AGBL4: variants seen among roughly 807,000 people sequenced by gnomAD.
AGBL4 encodes cytosolic carboxypeptidase 6.
In AGBL4, 58 loss-of-function variants were observed where a neutral mutation model predicts 66.4. The ratio of observed to expected loss-of-function variants is 0.87; its 90% CI spans 0.71 to 1.09. The LOEUF (loss-of-function observed/expected upper bound fraction) is 1.09. AGBL4 is among the 50% of genes least tolerant of loss of function. AGBL4 has a pLI of 0.00. For synonymous variants in AGBL4, 234 were observed against 222.9 expected, an observed-to-expected ratio of 1.05 and a Z score of -0.44; for missense variants, 579 against 631.0, an observed-to-expected ratio of 0.92 and a Z score of 0.88.
intron 5 of AGBL4, among the ~76,000 whole-genome samples, chr1:49,014,757 C>G (rs944009797): frequency 6.6e-6 from 1 of 152,212 alleles, no homozygotes; most frequent in African/African-American, 2.4e-5. Context: ...CTGTCATTCT[C>G]TCTCTCATGG....
chr1:49,800,222 G>A (rs1467548304), intron 2 of AGBL4, among the ~76,000 whole-genome samples: 1 of 152,134 alleles, frequency 6.6e-6, no homozygotes, highest in Non-Finnish European at 1.5e-5. Flanking sequence ...TATAGCAAAA[G>A]TGGTAATATG....
intron 3 of AGBL4, among the ~76,000 whole-genome samples, chr1:49,654,103 C>G (rs1646067384): frequency 6.6e-6 from 1 of 152,088 alleles, no homozygotes; most frequent in African/African-American, 2.4e-5. Context: ...AAAAGGAAAT[C>G]CAACAGACTA....
At chr1:48,889,093 G>T (rs1650659150) in intron 5 of AGBL4, among the ~76,000 whole-genome samples, 1 of 152,176 alleles carries the variant, frequency 6.6e-6, no homozygotes, top group Non-Finnish European at 1.5e-5. Context: ...AATGTGAGCT[G>T]TCAACCTTAG....
chr1:48,845,248 C>G (rs1221838603), intron 6 of AGBL4, among the ~76,000 whole-genome samples: 1 of 152,174 alleles, frequency 6.6e-6, no homozygotes, highest in East Asian at 1.9e-4. Flanking sequence ...GTGACAGATA[C>G]CTGCCTCATA....
chr1:48,915,817 G>A (rs1653537625), intron 5 of AGBL4, among the ~76,000 whole-genome samples: 1 of 152,034 alleles, frequency 6.6e-6, no homozygotes, highest in Non-Finnish European at 1.5e-5. Flanking sequence ...GGTCTCCCAG[G>A]GAAGGAAGCC....
At chr1:48,893,525 C>CA (rs559290723) in intron 5 of AGBL4, among the ~76,000 whole-genome samples, 76 of 147,368 alleles carry the variant, frequency 5.2e-4, no homozygotes, top group African/African-American at 1.3e-3. Flanking sequence ...ACTAAAAATA[C>CA]AAAAAAAAAA....
rs186169244 is a variant in AGBL4 at position 48,707,161 on chromosome 1, G to T, written c.635-43920C>A. Among the ~76,000 whole-genome samples, 4 of 152,296 alleles carry T rather than the reference G, an allele frequency of 2.6e-5. No homozygotes were observed. The East Asian group carries it at 7.7e-4, about 29-fold the overall frequency. On this transcript the variant is annotated intron_variant, in intron 6 of 13. Coordinates refer to ENST00000371839, the MANE Select transcript of AGBL4 (RefSeq NM_032785.4). ...ATACAAAAATTAGCTGGGCATGATG[G>T]AGAGTGCCTCTAGTCCCAGATACTT...
In AGBL4 at chr1:49,348,734, T is replaced by C. The variant is rs545916870; in HGVS notation, c.283-102870A>G. Reference sequence around the variant, plus strand: ...AATCCGTCTAATTTGTGGTAAGTTCTTAGAGCAGCCACAGAAAACGAATAG... The same window carrying C: ...AATCCGTCTAATTTGTGGTAAGTTCCTAGAGCAGCCACAGAAAACGAATAG... On this transcript the variant is annotated intron_variant, in intron 3 of 13. Coordinates refer to ENST00000371839, the MANE Select transcript of AGBL4 (RefSeq NM_032785.4). Among the ~76,000 whole-genome samples the C allele has an allele frequency of 8.0e-4, 122 of 152,342 alleles. 1 individual carries two copies. Among genetic ancestry groups the C allele is most frequent in the African/African-American group, 2.9e-3 (119 of 41,586 alleles).
At chr1:49,548,908 G>A (rs955760216) in intron 3 of AGBL4, among the ~76,000 whole-genome samples, 1 of 151,914 alleles carries the variant, frequency 6.6e-6, no homozygotes, top group African/African-American at 2.4e-5. Flanking sequence ...GTCTGGTCTG[G>A]GACTTTTTTT....
intron 5 of AGBL4, among the ~76,000 whole-genome samples, chr1:48,904,370 T>C (rs1652384657): frequency 6.6e-6 from 1 of 152,222 alleles, no homozygotes; most frequent in Non-Finnish European, 1.5e-5. Flanking sequence ...TGCTGAAACA[T>C]GCATGGCCAT....
intron 3 of AGBL4, among the ~76,000 whole-genome samples, chr1:49,258,713 C>T (rs1234621195): frequency 6.6e-6 from 1 of 152,106 alleles, no homozygotes; most frequent in Non-Finnish European, 1.5e-5. Flanking sequence ...GAGAATGGAA[C>T]CAAGTTGGAA....
chr1:49,331,621 C>A (rs1324254179), intron 3 of AGBL4, among the ~76,000 whole-genome samples: 1 of 152,152 alleles, frequency 6.6e-6, no homozygotes, highest in Non-Finnish European at 1.5e-5. Context: ...TCCAGCCACC[C>A]GGCCTGTATT....
chr1:49,791,194 G>A (rs1000989273), intron 2 of AGBL4, among the ~76,000 whole-genome samples: 7 of 151,958 alleles, frequency 4.6e-5, no homozygotes, highest in African/African-American at 1.7e-4. Flanking sequence ...TAGCCCTAGA[G>A]CAACTGCGAT....
At chr1:49,526,899 A>C (rs890782738) in intron 3 of AGBL4, among the ~76,000 whole-genome samples, 3 of 152,132 alleles carry the variant, frequency 2.0e-5, no homozygotes, top group Non-Finnish European at 4.4e-5. Context: ...GCAGTAGAAA[A>C]AGTACATTTT....
At chr1:49,949,103 A>G (rs934213847) in intron 1 of AGBL4, among the ~76,000 whole-genome samples, 1 of 151,528 alleles carries the variant, frequency 6.6e-6, no homozygotes, top group Non-Finnish European at 1.5e-5. Flanking sequence ...AGGACACCCT[A>G]TTCAACAAAC....
chr1:49,048,950 G>C (rs141761351), intron 4 of AGBL4, among the ~76,000 whole-genome samples: 164 of 152,046 alleles, frequency 1.1e-3, no homozygotes, highest in African/African-American at 3.5e-3. Flanking sequence ...CCAACTTACA[G>C]CCTTACCTTC....
chr1:49,524,490 A>G (rs183950513), intron 3 of AGBL4, among the ~76,000 whole-genome samples: 34 of 152,260 alleles, frequency 2.2e-4, no homozygotes, highest in Middle Eastern at 6.8e-3. Flanking sequence ...AGTCCTGGGC[A>G]TCTAAAAGCC....
rs181415926 is a variant in AGBL4, at chr1:49,554,063, T to A, written c.282+143250A>T. On this transcript the variant is annotated intron_variant, in intron 3 of 13. Coordinates refer to ENST00000371839, the MANE Select transcript of AGBL4 (RefSeq NM_032785.4). ...GGAGAGCATTGTTTGAGGCCAGGAG[T>A]TCCAGGCAGCAGTGAGGTATGATTA... Among the ~76,000 whole-genome samples, 11 of 152,148 alleles carry A rather than the reference T, an allele frequency of 7.2e-5. 1 individual carries two copies. Among genetic ancestry groups the A allele is most frequent in the African/African-American group, 2.7e-4 (11 of 41,494 alleles).
At chr1:48,639,652 G>A (rs1367398485) in intron 8 of AGBL4, among the ~76,000 whole-genome samples, 1 of 152,152 alleles carries the variant, frequency 6.6e-6, no homozygotes, top group African/African-American at 2.4e-5. Context: ...AACTAGTCAA[G>A]GATGACCAAT....
Sources: allele counts gnomAD v4.1 joint callset (sites outside exome capture counted in the v4.1 genomes callset), GRCh38; gene constraint gnomAD v4.1.1; transcripts MANE v1.5; gene names NCBI Gene and HGNC (gene_info 2026-07-23, HGNC 2026-07-21).